CNTRL: variants seen among roughly 807,000 people sequenced by gnomAD.
CNTRL encodes the protein centriolin, also known as 110 kDa centrosomal protein.
In CNTRL, 233 loss-of-function variants were observed where a neutral mutation model predicts 303.7. The ratio of observed to expected loss-of-function variants is 0.77; its 90% CI spans 0.69 to 0.86. The LOEUF is 0.86. CNTRL is among the 40% of genes least tolerant of loss of function. CNTRL has a pLI of 0.00. For synonymous variants in CNTRL, 900 were observed against 922.2 expected (o/e 0.98, Z 0.44); for missense variants, 2,524 against 2,650.6 (o/e 0.95, Z 1.05).
chr9:121,168,687 T>C (rs746182), intron 38 of CNTRL, among the ~76,000 whole-genome samples: 92,095 of 152,078 alleles, frequency 0.61, 28,506 homozygotes, highest in East Asian at 0.92. Flanking sequence ...AACAGTTCTT[T>C]TGTCCAGATT....
chr9:121,123,973 G>A lies in CNTRL; in HGVS notation c.1693G>A (p.Asp565Asn). 6.2e-7 allele frequency: 1 copy of A among 1,611,278 alleles called. No individual in the cohort carries two copies. The highest frequency in any genetic ancestry group is 1.1e-5 in the South Asian group (1 of 90,394). The change falls in exon 13 of 44, where the codon GAC (aspartate) becomes AAC (asparagine). Residue 565 changes from aspartate to asparagine, a missense_variant. Physicochemically the swap from Asp to Asn is conservative, Grantham distance 23. Transcript: ENST00000373855. ...AQKSGKEQQL[D>N]IMNKQYQQLE... ...AAAGAGCGGTAAAGAACAACAGCTTGACATTATGAACAAGCAGTACCAACA... is the reference window on the plus strand; with the variant it reads ...AAAGAGCGGTAAAGAACAACAGCTTAACATTATGAACAAGCAGTACCAACA...
chr9:121,086,131 A>G (rs879802277), intron 2 of CNTRL, among the ~76,000 whole-genome samples: 1 of 152,180 alleles, frequency 6.6e-6, no homozygotes, highest in African/African-American at 2.4e-5. Context: ...TTGTTGGACG[A>G]TGGAGAGGGA....
chr9:121,091,327 T>G (rs1588067385), intron 4 of CNTRL, among the ~76,000 whole-genome samples: 1 of 152,044 alleles, frequency 6.6e-6, no homozygotes, highest in Middle Eastern at 3.4e-3. Flanking sequence ...TCCAGAAGGG[T>G]GAAGAACTAA....
At chr9:121,135,455 A>C (rs1447717656) in intron 14 of CNTRL, among the ~76,000 whole-genome samples, 1 of 152,214 alleles carries the variant, frequency 6.6e-6, no homozygotes, top group East Asian at 1.9e-4. Context: ...ATATGAAAAC[A>C]TTTTGTCCAA....
Position 121,142,162 on chromosome 9 carries a change from A to C in CNTRL, c.2763A>C (p.Glu921Asp). ...AGAATGAAATTCACTATTTGCAAGAAAATCTAAAAAGTATGGAGGAAATCC... is the reference window on the plus strand; with the variant it reads ...AGAATGAAATTCACTATTTGCAAGACAATCTAAAAAGTATGGAGGAAATCC... ...QMENEIHYLQ[E>D]NLKSMEEIQG... Residue 921 changes from glutamate (E) to aspartate (D), a missense_variant, in exon 19 of 44, where the codon GAA becomes GAC. Coordinates refer to ENST00000373855, the MANE Select transcript of CNTRL (RefSeq NM_007018.6). 6.2e-7 allele frequency: 1 copy of C among 1,612,458 alleles called. No individual in the cohort carries two copies. Among genetic ancestry groups the C allele is most frequent in the Non-Finnish European group, 8.5e-7 (1 of 1,179,380 alleles).
At chr9:121,145,183 A>G (rs1037569946) in intron 21 of CNTRL, 61 bp from the exon 22 acceptor site, 3 of 1,522,254 alleles carry the variant, frequency 2.0e-6, no homozygotes, top group African/African-American at 1.4e-5. Flanking sequence ...TTGAAAGGAT[A>G]AATGTGTTTG....
At chr9:121,075,741 C>T (rs2047896870) in intron 1 of CNTRL, among the ~76,000 whole-genome samples, 1 of 152,102 alleles carries the variant, frequency 6.6e-6, no homozygotes, top group South Asian at 2.1e-4. Context: ...CACTATTTGT[C>T]AGATCCAGTT....
At chr9:121,091,149 A>G (rs977625075) in intron 4 of CNTRL, among the ~76,000 whole-genome samples, 1 of 152,180 alleles carries the variant, frequency 6.6e-6, no homozygotes, top group Non-Finnish European at 1.5e-5. Context: ...GACACAGCTA[A>G]ACCATATCAG....
At chr9:121,161,185 G>A (rs1302672651) in intron 32 of CNTRL, 1 of 401,532 alleles carries the variant, frequency 2.5e-6, no homozygotes, top group Non-Finnish European at 4.6e-6. Flanking sequence ...TTCTTAGAAG[G>A]AAATACATCA....
intron 43 of CNTRL, among the ~76,000 whole-genome samples, chr9:121,176,834 G>T (rs1418017028): frequency 6.6e-6 from 1 of 152,130 alleles, no homozygotes; most frequent in Non-Finnish European, 1.5e-5. Context: ...TAGTCAAAAG[G>T]CTGAGAGCTC....
At chr9:121,086,535 G>A (rs1003765520) in intron 2 of CNTRL, among the ~76,000 whole-genome samples, 9 of 151,812 alleles carry the variant, frequency 5.9e-5, no homozygotes, top group Admixed American at 3.3e-4. Flanking sequence ...TTGAGGGAAC[G>A]AATGACAGAG....
At chr9:121,171,328 T>C (rs778991727) in intron 39 of CNTRL, 80 bp from the exon 40 acceptor site, 301 of 1,479,010 alleles carry the variant, frequency 2.0e-4, no homozygotes, top group Non-Finnish European at 2.6e-4. Flanking sequence ...AATGAAGTTA[T>C]AGAGCTAGTG....
chr9:121,145,440 C>T (rs1173709764), intron 22 of CNTRL, 55 bp downstream of exon 22: 23 of 1,518,058 alleles, frequency 1.5e-5, no homozygotes, highest in Non-Finnish European at 1.9e-5. Context: ...AAAATTAAAT[C>T]ATCTCATTTG....
intron 15 of CNTRL, among the ~76,000 whole-genome samples, chr9:121,136,852 A>G (rs1431045097): frequency 1.3e-5 from 2 of 152,230 alleles, no homozygotes; most frequent in African/African-American, 2.4e-5. Flanking sequence ...TGAAACAGGT[A>G]TGGAAGAAAG....
intron 11 of CNTRL, 34 bp from the exon 12 acceptor site, chr9:121,118,312 C>T: frequency 7.0e-7 from 1 of 1,430,694 alleles, no homozygotes; most frequent in Non-Finnish European, 9.3e-7. Context: ...TTGTTCTTCT[C>T]TGTTAATTAT....
chr9:121,172,920 A>G (rs973778198), intron 40 of CNTRL, among the ~76,000 whole-genome samples: 2 of 152,334 alleles, frequency 1.3e-5, no homozygotes, highest in Middle Eastern at 3.4e-3. Flanking sequence ...TTGCCCTGTC[A>G]TACTGGTAAT....
intron 1 of CNTRL, among the ~76,000 whole-genome samples, chr9:121,079,662 G>T (rs2048063023): frequency 6.6e-6 from 1 of 151,940 alleles, no homozygotes. Context: ...TTTCAGATTT[G>T]GAGTGCTTAA....
Position 121,148,829 on chromosome 9 carries a change from G to A in CNTRL, c.3617G>A (p.Arg1206Lys), listed in dbSNP as rs1351629375. 3 of 1,613,664 alleles carry A rather than the reference G, an allele frequency of 1.9e-6. No individual in the cohort carries two copies. The highest frequency in any genetic ancestry group is 3.3e-5 in the Admixed American group (2 of 60,018). ...ASGYWVYSPI[R>K]SGLHKLFPSR... ...GGATACTGGGTTTATTCTCCCATCA[G>A]GAGTGGGTTACATAAACTGTTTCCA... The change falls in exon 24 of 44, where the codon AGG (arginine) becomes AAG (lysine). Residue 1206 changes from arginine to lysine, a missense_variant. Transcript: ENST00000373855.
At chr9:121,111,600 CAAA>C (rs2049750227) in intron 8 of CNTRL, among the ~76,000 whole-genome samples, 1 of 151,406 alleles carries the variant, frequency 6.6e-6, no homozygotes, top group South Asian at 2.1e-4. Flanking sequence ...AGATACTGGC[CAAA>C]AAAAGACAAA....
Sources: gnomAD v4.1 joint callset for allele counts (sites outside exome capture counted in the v4.1 genomes callset) on GRCh38, gnomAD v4.1.1 for gene constraint, MANE v1.5 for transcripts, NCBI Gene and HGNC (gene_info 2026-07-23, HGNC 2026-07-21) for gene names.